The following CNTNAP2 variants were observed in gnomAD, a reference collection of about 807,000 sequenced individuals.
CNTNAP2 encodes the protein contactin associated protein 2, also known as contactin-associated protein-like 2.
Under a neutral mutation model 155.2 loss-of-function variants are expected in CNTNAP2, and 98 were observed. The ratio of observed to expected loss-of-function variants is 0.63; its 90% CI spans 0.54 to 0.75. CNTNAP2 has a LOEUF of 0.75. CNTNAP2 is among the 30% of genes least tolerant of loss of function. The pLI is 0.00. For missense variants in CNTNAP2, 1,727 were observed against 1,688.1 expected, an observed-to-expected ratio of 1.02 and a Z score of -0.40; for synonymous variants, 651 against 631.2, an observed-to-expected ratio of 1.03 and a Z score of -0.47.
chr7:148,172,516 T>G, intron 18 of CNTNAP2, 38 bp downstream of exon 18: 12 of 1,547,712 alleles, frequency 7.8e-6, no homozygotes, highest in Non-Finnish European at 9.8e-6. Flanking sequence ...CTTTTGCGTG[T>G]CTTTTTAAGC....
At chr7:147,554,688 A>G (rs542510242) in intron 11 of CNTNAP2, among the ~76,000 whole-genome samples, 2 of 152,302 alleles carry the variant, frequency 1.3e-5, no homozygotes, top group Non-Finnish European at 1.5e-5. Flanking sequence ...TCATACAGAA[A>G]TTATATGCAG....
Position 146,797,119 on chromosome 7 carries a change from G to A in CNTNAP2, c.208+22738G>A, listed in dbSNP as rs1440011141. On this transcript the variant is annotated intron_variant, in intron 2 of 23. Transcript: ENST00000361727. The stretch of plus-strand genomic sequence containing the variant: ...CTACTGCACTCCAGCCTGGGCAACA[G>A]AGCGAGACTCCATCTAGAAAAAAAA... 3.3e-5 allele frequency among the ~76,000 whole-genome samples: 5 copies of A among 152,224 alleles called. No homozygotes were observed. The East Asian group carries it at 9.7e-4, about 29-fold the overall frequency.
intron 1 of CNTNAP2, among the ~76,000 whole-genome samples, chr7:146,369,575 G>T (rs573667841): frequency 3.3e-5 from 5 of 152,134 alleles, no homozygotes; most frequent in African/African-American, 1.2e-4. Flanking sequence ...ATAACAGAAA[G>T]GACTTTTGAT....
chr7:146,813,694 C>T (rs760828084), intron 2 of CNTNAP2, among the ~76,000 whole-genome samples: 9 of 152,128 alleles, frequency 5.9e-5, no homozygotes, highest in South Asian at 2.1e-4. Flanking sequence ...GATTGTGTTT[C>T]GAAATGTGAG....
At chr7:147,560,616 AC>A (rs1208996722) in intron 11 of CNTNAP2, among the ~76,000 whole-genome samples, 4 of 151,956 alleles carry the variant, frequency 2.6e-5, no homozygotes, top group Admixed American at 1.3e-4. Flanking sequence ...AATGAGCAAT[AC>A]CAAAATAATT....
At chr7:147,739,098 A>G (rs10215118) in intron 13 of CNTNAP2, among the ~76,000 whole-genome samples, 4,013 of 96,478 alleles carry the variant, frequency 0.042, 183 homozygotes, top group African/African-American at 0.13. Context: ...TTTGCATTCA[A>G]TTACAGCTAT....
chr7:148,019,358 G>A (rs1802237355), intron 15 of CNTNAP2, among the ~76,000 whole-genome samples: 1 of 152,170 alleles, frequency 6.6e-6, no homozygotes, highest in South Asian at 2.1e-4. Context: ...CCTATGTGCA[G>A]GTGTGGAATG....
intron 15 of CNTNAP2, among the ~76,000 whole-genome samples, chr7:148,026,461 A>G (rs944249518): frequency 6.6e-6 from 1 of 151,968 alleles, no homozygotes; most frequent in Non-Finnish European, 1.5e-5. Flanking sequence ...AAAAATATAT[A>G]TATGTTTTAT....
intron 1 of CNTNAP2, among the ~76,000 whole-genome samples, chr7:146,432,731 G>T (rs549199268): frequency 6.8e-4 from 103 of 152,234 alleles, no homozygotes; most frequent in African/African-American, 2.5e-3. Flanking sequence ...AGTGATGTTT[G>T]TTCCTTATTT....
intron 18 of CNTNAP2, among the ~76,000 whole-genome samples, chr7:148,174,899 T>C (rs1585167931): frequency 6.6e-6 from 1 of 152,082 alleles, no homozygotes; most frequent in Non-Finnish European, 1.5e-5. Context: ...TAATGCTCTC[T>C]CTCCCCTTGC....
At chr7:146,438,160 C>T (rs1014150793) in intron 1 of CNTNAP2, among the ~76,000 whole-genome samples, 3 of 151,310 alleles carry the variant, frequency 2.0e-5, no homozygotes, top group South Asian at 4.2e-4. Context: ...CTAGCAAGCC[C>T]GGAATGCCTA....
chr7:147,001,083 C>G (rs1798413299), intron 3 of CNTNAP2, among the ~76,000 whole-genome samples: 1 of 152,068 alleles, frequency 6.6e-6, no homozygotes, highest in African/African-American at 2.4e-5. Context: ...TGAACAGTGT[C>G]TCTCTCTGCT....
chr7:148,361,617 G>GC (rs1301709531), intron 21 of CNTNAP2, among the ~76,000 whole-genome samples: 2 of 152,148 alleles, frequency 1.3e-5, no homozygotes, highest in East Asian at 3.9e-4. Flanking sequence ...GTGTGTGTCT[G>GC]CGTCTTCTCT....
intron 10 of CNTNAP2, among the ~76,000 whole-genome samples, chr7:147,482,873 C>T (rs1798447918): frequency 6.6e-6 from 1 of 151,828 alleles, no homozygotes; most frequent in South Asian, 2.1e-4. Context: ...TGGTGAAACC[C>T]TGTCTCTAAT....
intron 21 of CNTNAP2, among the ~76,000 whole-genome samples, chr7:148,284,286 G>C (rs571864172): frequency 3.9e-5 from 6 of 152,054 alleles, no homozygotes; most frequent in African/African-American, 1.4e-4. Flanking sequence ...CCCCCATACT[G>C]TTCTCATGGT....
chr7:146,693,933 T>C (rs1177229043), intron 1 of CNTNAP2, among the ~76,000 whole-genome samples: 1 of 151,968 alleles, frequency 6.6e-6, no homozygotes, highest in African/African-American at 2.4e-5. Flanking sequence ...CCCCTCCCTG[T>C]GCCCATGCGT....
chr7:147,908,962 C>A (rs1329467015), intron 14 of CNTNAP2, among the ~76,000 whole-genome samples: 1 of 152,108 alleles, frequency 6.6e-6, no homozygotes, highest in African/African-American at 2.4e-5. Context: ...TATAGTACTT[C>A]CCAAGTCATG....
chr7:147,732,839 G>A (rs748250413), intron 13 of CNTNAP2, among the ~76,000 whole-genome samples: 1 of 152,178 alleles, frequency 6.6e-6, no homozygotes, highest in Non-Finnish European at 1.5e-5. Context: ...CTTCTTTTGA[G>A]AAGTGTCTGT....
chr7:146,850,577 T>C, intron 3 of CNTNAP2, among the ~76,000 whole-genome samples: 1 of 152,192 alleles, frequency 6.6e-6, no homozygotes, highest in Non-Finnish European at 1.5e-5. Flanking sequence ...GATTAAGCCC[T>C]ATTTTTGGCT....
Sources: allele counts gnomAD v4.1 joint callset (sites outside exome capture counted in the v4.1 genomes callset), GRCh38; gene constraint gnomAD v4.1.1; transcripts MANE v1.5; gene names NCBI Gene and HGNC (gene_info 2026-07-23, HGNC 2026-07-21).